PPP1R3B: variants seen among roughly 807,000 people sequenced by gnomAD.
PPP1R3B encodes protein phosphatase 1 regulatory subunit 3B.
A neutral mutation model predicts 14.6 loss-of-function variants in PPP1R3B; 8 were observed. The observed-to-expected ratio is 0.55, with a 90% confidence interval of 0.32 to 0.99. PPP1R3B has a LOEUF of 0.99. PPP1R3B is among the 50% of genes least tolerant of loss of function. The pLI, the probability that PPP1R3B is intolerant of heterozygous loss-of-function variation, is 0.04. For missense variants in PPP1R3B, 452 were observed against 360.1 expected, an observed-to-expected ratio of 1.26 and a Z score of -2.07; for synonymous variants, 169 against 142.0, an observed-to-expected ratio of 1.19 and a Z score of -1.35.
rs1800995548 is a variant in PPP1R3B at position 9,139,413 on chromosome 8, A to C, written c.*1381T>G. On this transcript the variant is annotated 3_prime_UTR_variant, in exon 2 of 2. Transcript: ENST00000310455. ...CAAGTCCATGTCCCTGGGTGCTGGT[A>C]AAGTGTTCTAGATAGTGTGAATCAC... is the stretch of plus-strand genomic sequence containing the variant. 1 of 152,274 alleles carries C rather than the reference A, an allele frequency of 6.6e-6. No homozygotes were observed. The highest frequency in any genetic ancestry group is 1.5e-5 in the Non-Finnish European group (1 of 68,050). 9.4% of individuals were successfully genotyped at this position (152,274 alleles called of 1,614,324 possible).
intron 1 of PPP1R3B, among the ~76,000 whole-genome samples, chr8:9,144,515 T>C (rs1481507365): frequency 6.6e-6 from 1 of 152,166 alleles, no homozygotes; most frequent in Non-Finnish European, 1.5e-5. Flanking sequence ...TTTTCATTAG[T>C]TAAAATTGGT....
intron 1 of PPP1R3B, among the ~76,000 whole-genome samples, chr8:9,144,786 C>G (rs1464561594): frequency 6.6e-6 from 1 of 152,204 alleles, no homozygotes; most frequent in East Asian, 1.9e-4. Context: ...ACTCGTGTCA[C>G]CCAGGCTGGA....
rs911536316 is a variant in PPP1R3B, at chr8:9,141,111, T to C, written c.541A>G (p.Lys181Glu). 2.5e-6 allele frequency: 4 copies of C among 1,613,912 alleles called. No individual in the cohort carries two copies. In the African/African-American group the frequency reaches 5.3e-5, roughly 22 times the overall value. The change falls in exon 2 of 2, where the codon AAG (lysine) becomes GAG (glutamate). Residue 181 changes from lysine (K) to glutamate (E), a missense_variant. Lys to Glu is a moderately conservative substitution (Grantham distance 56). Coordinates refer to ENST00000310455, the MANE Select transcript of PPP1R3B (RefSeq NM_024607.4). Reference sequence around the variant, plus strand: ...CTGTCTGAACCGGCATAAGTGTCCTTCACGTACTGACAAGGAAAGTCTGTG... The same window carrying C: ...CTGTCTGAACCGGCATAAGTGTCCTCCACGTACTGACAAGGAAAGTCTGTG... ...SYTDFPCQYVKDTYAGSDRDT... is the reference protein window; with the variant it reads ...SYTDFPCQYVEDTYAGSDRDT...
chr8:9,143,870 T>C (rs1801160004), intron 1 of PPP1R3B, among the ~76,000 whole-genome samples: 1 of 152,130 alleles, frequency 6.6e-6, no homozygotes. Flanking sequence ...CTATATTTTC[T>C]TTAAGTAAAA....
intron 1 of PPP1R3B, among the ~76,000 whole-genome samples, chr8:9,148,566 TGA>T (rs1412682461): frequency 1.3e-5 from 2 of 152,192 alleles, no homozygotes; most frequent in Non-Finnish European, 2.9e-5. Flanking sequence ...GTTTCTCTGG[TGA>T]GAGACTGGGC....
Position 9,139,402 on chromosome 8 carries a change from T to C in PPP1R3B, c.*1392A>G, listed in dbSNP as rs1407749436. 6.6e-6 allele frequency: 1 copy of C among 152,232 alleles called. No homozygotes were observed. Among genetic ancestry groups the C allele is most frequent in the Non-Finnish European group, 1.5e-5 (1 of 68,032 alleles). 9.4% of individuals were successfully genotyped at this position (152,232 alleles called of 1,614,324 possible). On this transcript the variant is annotated 3_prime_UTR_variant, in exon 2 of 2. Transcript: ENST00000310455. The stretch of plus-strand genomic sequence containing the variant: ...ATAAGAACACCCAAGTCCATGTCCC[T>C]GGGTGCTGGTAAAGTGTTCTAGATA...
intron 1 of PPP1R3B, among the ~76,000 whole-genome samples, chr8:9,146,196 T>G (rs1368713777): frequency 1.3e-5 from 2 of 152,228 alleles, no homozygotes; most frequent in African/African-American, 4.8e-5. Flanking sequence ...ACAGTTTCAA[T>G]GGACTAAATT....
intron 1 of PPP1R3B, among the ~76,000 whole-genome samples, chr8:9,144,482 A>T (rs1801175147): frequency 6.6e-6 from 1 of 152,204 alleles, no homozygotes; most frequent in Non-Finnish European, 1.5e-5. Flanking sequence ...GGTATGAGCC[A>T]CTGTGCCCAG....
At chr8:9,144,321 A>G (rs780946094) in intron 1 of PPP1R3B, among the ~76,000 whole-genome samples, 17 of 150,916 alleles carry the variant, frequency 1.1e-4, no homozygotes, top group Admixed American at 6.0e-4. Context: ...CCGAGTAGCT[A>G]GGACCACAGG....
rs1800945024 is a variant in PPP1R3B at position 9,137,956 on chromosome 8, AT to A, written c.*2837del. 6.6e-6 allele frequency: 1 copy of A among 152,130 alleles called. No individual in the cohort carries two copies. Among genetic ancestry groups the A allele is most frequent in the Admixed American group, 6.5e-5 (1 of 15,278 alleles). 9.4% of individuals were successfully genotyped at this position (152,130 alleles called of 1,614,324 possible). A position where few individuals can be genotyped will look rare whatever the true frequency, so the allele number is the denominator to read the frequency against. ...GAGATAGTTATCACTGAATTACCAT[AT>A]TTCAAATTTTGACATGGGAATGTCT... On this transcript the variant is annotated 3_prime_UTR_variant, in exon 2 of 2. Transcript: ENST00000310455.
chr8:9,141,929 T>G, intron 1 of PPP1R3B: 4 of 336,154 alleles, frequency 1.2e-5, no homozygotes, highest in East Asian at 1.1e-4. Flanking sequence ...TGAAACCCAC[T>G]AGTTTTAAAA....
chr8:9,149,923 G>A (rs1801367121), intron 1 of PPP1R3B, among the ~76,000 whole-genome samples: 1 of 152,220 alleles, frequency 6.6e-6, no homozygotes, highest in Non-Finnish European at 1.5e-5. Flanking sequence ...AAGAATGCCC[G>A]CACCTTGCTT....
intron 1 of PPP1R3B, among the ~76,000 whole-genome samples, chr8:9,143,558 T>C (rs374743381): frequency 5.3e-5 from 8 of 152,176 alleles, no homozygotes; most frequent in East Asian, 1.9e-4. Flanking sequence ...AAAAATTAGC[T>C]GGGCATGGTG....
chr8:9,149,455 G>T (rs1801349083), intron 1 of PPP1R3B, among the ~76,000 whole-genome samples: 1 of 152,166 alleles, frequency 6.6e-6, no homozygotes. Flanking sequence ...ATGAGCCAGA[G>T]ATGGCGCCAC....
chr8:9,149,182 A>G (rs368816404), intron 1 of PPP1R3B, among the ~76,000 whole-genome samples: 2,423 of 117,150 alleles, frequency 0.021, 81 homozygotes, highest in African/African-American at 0.074. Flanking sequence ...GACAGAGCGA[A>G]ACTACGTCTC....
At chr8:9,149,244 T>C (rs1444177893) in intron 1 of PPP1R3B, among the ~76,000 whole-genome samples, 6 of 143,634 alleles carry the variant, frequency 4.2e-5, no homozygotes, top group African/African-American at 7.8e-5. Flanking sequence ...CTCACGCCTG[T>C]AATCCCAGCA....
chr8:9,146,389 A>T (rs1801241782), intron 1 of PPP1R3B, among the ~76,000 whole-genome samples: 1 of 152,136 alleles, frequency 6.6e-6, no homozygotes, highest in African/African-American at 2.4e-5. Flanking sequence ...CACCCCTGAG[A>T]AGTGACAGGC....
In PPP1R3B at chr8:9,141,393, C is replaced by G; in HGVS notation, c.259G>C (p.Asp87His). 3 of 1,614,220 alleles carry G rather than the reference C, an allele frequency of 1.9e-6. No individual in the cohort carries two copies. Among genetic ancestry groups the G allele is most frequent in the Non-Finnish European group, 2.5e-6 (3 of 1,180,040 alleles). ...KVFSEFDDPL[D>H]MPFNITELLD... ...AGCTCGGTGATGTTGAATGGCATAT[C>G]TAGCGGGTCATCGAATTCCGAGAAC... The change falls in exon 2 of 2, where the codon GAT (aspartate) becomes CAT (histidine). Residue 87 changes from aspartate (D) to histidine (H), a missense_variant. Transcript: ENST00000310455.
At chr8:9,148,926 G>A (rs1801325951) in intron 1 of PPP1R3B, among the ~76,000 whole-genome samples, 2 of 151,956 alleles carry the variant, frequency 1.3e-5, no homozygotes, top group Non-Finnish European at 2.9e-5. Flanking sequence ...GGTGGCTCAC[G>A]CCTGTAATCC....
Sources: allele counts gnomAD v4.1 joint callset (sites outside exome capture counted in the v4.1 genomes callset), GRCh38; gene constraint gnomAD v4.1.1; transcripts MANE v1.5; gene names NCBI Gene and HGNC (gene_info 2026-07-23, HGNC 2026-07-21).